Variants in STK32B observed in about 807,000 individuals in gnomAD.
STK32B encodes the protein serine/threonine kinase 32B, also known as serine/threonine-protein kinase 32B.
In STK32B, 43 loss-of-function variants were observed where a neutral mutation model predicts 52.6. The ratio of observed to expected loss-of-function variants is 0.82; its 90% CI spans 0.64 to 1.05. STK32B has a LOEUF of 1.05. STK32B is among the 50% of genes least tolerant of loss of function. The pLI is 0.00. For synonymous variants in STK32B, 238 were observed against 204.3 expected (o/e 1.17, Z -1.41); for missense variants, 621 against 534.6 (o/e 1.16, Z -1.59).
rs72613189 is a variant in STK32B at position 5,253,845 on chromosome 4, C to G, written c.261-77375C>G. 4.1e-3 allele frequency among the ~76,000 whole-genome samples: 617 copies of G among 152,328 alleles called. 16 individuals carry two copies. The East Asian group carries it at 0.077, about 19-fold the overall frequency. On this transcript the variant is annotated intron_variant, in intron 3 of 11. Transcript: ENST00000282908. ...AACTGGGGATGGATAATGGTATCTA[C>G]TCTAAAGTGTTGTTTTGAGCATTAC...
intron 4 of STK32B, among the ~76,000 whole-genome samples, chr4:5,362,654 C>T (rs1734623042): frequency 6.6e-6 from 1 of 152,254 alleles, no homozygotes; most frequent in South Asian, 2.1e-4. Flanking sequence ...ACAGCCACCA[C>T]GGAGGCAGGG....
At chr4:5,375,515 T>C (rs10937638) in intron 4 of STK32B, among the ~76,000 whole-genome samples, 32,946 of 152,200 alleles carry the variant, frequency 0.22, 3,908 homozygotes, top group African/African-American at 0.33. Context: ...ATGAATTTTT[T>C]TTCAGTTCAC....
At chr4:5,403,082 T>C (rs941206678) in intron 5 of STK32B, among the ~76,000 whole-genome samples, 1 of 152,202 alleles carries the variant, frequency 6.6e-6, no homozygotes, top group Non-Finnish European at 1.5e-5. Context: ...TTCTGTATTC[T>C]GAAGCTTTGG....
intron 9 of STK32B, among the ~76,000 whole-genome samples, chr4:5,461,809 T>C (rs1288187124): frequency 2.0e-5 from 3 of 152,312 alleles, no homozygotes; most frequent in African/African-American, 7.2e-5. Flanking sequence ...TGGACCTCCT[T>C]CTGCCCGCCC....
At chr4:5,100,267 G>A (rs563949586) in intron 1 of STK32B, among the ~76,000 whole-genome samples, 295 of 152,276 alleles carry the variant, frequency 1.9e-3, no homozygotes, top group Non-Finnish European at 3.6e-3. Context: ...CCACTGGCTA[G>A]AGAGGCTGCA....
intron 3 of STK32B, among the ~76,000 whole-genome samples, chr4:5,304,825 TG>T (rs1729814172): frequency 6.6e-6 from 1 of 152,162 alleles, no homozygotes; most frequent in South Asian, 2.1e-4. Context: ...GCTGTGGGTT[TG>T]TCATAGATGG....
intron 1 of STK32B, among the ~76,000 whole-genome samples, chr4:5,130,762 G>A (rs1715721976): frequency 6.6e-6 from 1 of 152,120 alleles, no homozygotes; most frequent in South Asian, 2.1e-4. Flanking sequence ...TACCAATCCA[G>A]TGGGTTAATC....
At chr4:5,074,377 C>T (rs1018230354) in intron 1 of STK32B, among the ~76,000 whole-genome samples, 4 of 151,788 alleles carry the variant, frequency 2.6e-5, no homozygotes, top group African/African-American at 9.7e-5. Context: ...TCATTTTTTT[C>T]CCCAAATTTT....
intron 3 of STK32B, among the ~76,000 whole-genome samples, chr4:5,226,079 C>A (rs1442586987): frequency 6.6e-6 from 1 of 152,082 alleles, no homozygotes; most frequent in African/African-American, 2.4e-5. Flanking sequence ...CTTTTAAAAT[C>A]GATTAAATAA....
At chr4:5,275,044 T>C (rs138067110) in intron 3 of STK32B, among the ~76,000 whole-genome samples, 2,645 of 152,272 alleles carry the variant, frequency 0.017, 40 homozygotes, top group East Asian at 0.071. Flanking sequence ...TAACACTCAC[T>C]GCGTGGCCCA....
chr4:5,091,039 A>G (rs762650860), intron 1 of STK32B, among the ~76,000 whole-genome samples: 11 of 152,226 alleles, frequency 7.2e-5, no homozygotes, highest in Admixed American at 5.9e-4. Flanking sequence ...TTCTACAAAC[A>G]TTTAAATGAA....
intron 2 of STK32B, among the ~76,000 whole-genome samples, chr4:5,141,653 G>T (rs1716462118): frequency 6.6e-6 from 1 of 152,148 alleles, no homozygotes; most frequent in Non-Finnish European, 1.5e-5. Flanking sequence ...AGAGGAGGTG[G>T]TGGCCTGGGG....
chr4:5,064,977 T>G (rs896072632), intron 1 of STK32B, among the ~76,000 whole-genome samples: 1 of 151,656 alleles, frequency 6.6e-6, no homozygotes, highest in African/African-American at 2.4e-5. Context: ...CCTCCAAGGT[T>G]GCCCCCTGCT....
Position 5,115,567 on chromosome 4 carries a change from T to C in STK32B, c.53-24338T>C, listed in dbSNP as rs114820295. On this transcript the variant is annotated intron_variant, in intron 1 of 11. Transcript: ENST00000282908. ...AAAAGCCCTCAGCCAGATTTGAGCT[T>C]CCTTGAGGGCAACTGGAGAAGTGTA... Among the ~76,000 whole-genome samples the C allele has an allele frequency of 1.0e-2, 1,516 of 151,922 alleles. 13 individuals carry two copies. Among genetic ancestry groups the C allele is most frequent in the Non-Finnish European group, 0.016 (1,105 of 68,006 alleles).
intron 7 of STK32B, 47 bp downstream of exon 7, chr4:5,446,823 G>C (rs558556393): frequency 2.5e-6 from 4 of 1,590,316 alleles, no homozygotes; most frequent in Non-Finnish European, 3.5e-6. Context: ...GTGCAGTGGG[G>C]GCTCACGTTG....
At chr4:5,374,741 T>C (rs991975047) in intron 4 of STK32B, among the ~76,000 whole-genome samples, 1 of 149,256 alleles carries the variant, frequency 6.7e-6, no homozygotes, top group Admixed American at 6.7e-5. Flanking sequence ...TACTATTGCA[T>C]TGAGGCTCAT....
intron 3 of STK32B, among the ~76,000 whole-genome samples, chr4:5,189,870 G>A (rs1721041346): frequency 6.6e-6 from 1 of 152,086 alleles, no homozygotes; most frequent in South Asian, 2.1e-4. Flanking sequence ...GCGTGTAGTG[G>A]TATTCCGTTG....
At chr4:5,207,845 G>GT (rs1722669936) in intron 3 of STK32B, among the ~76,000 whole-genome samples, 1 of 151,840 alleles carries the variant, frequency 6.6e-6, no homozygotes, top group Non-Finnish European at 1.5e-5. Flanking sequence ...TCATATGTTT[G>GT]TTTTTTCTCT....
In STK32B at chr4:5,437,833, T is replaced by C. The variant is rs567592447; in HGVS notation, c.563-8840T>C. The C allele has an allele frequency of 1.8e-5, 15 of 831,724 alleles. No homozygotes were observed. In the African/African-American group the frequency reaches 2.8e-4, roughly 15 times the overall value. 51.5% of individuals were successfully genotyped at this position (831,724 alleles called of 1,614,324 possible). A position where few individuals can be genotyped will look rare whatever the true frequency, so the allele number is the denominator to read the frequency against. On this transcript the variant is annotated intron_variant, in intron 6 of 11. Transcript: ENST00000282908. ...TCCTTCCAGCTCTAAACCTGTGTAG[T>C]TCTCTCACGTCTAAGTGCTGGGATT...
Sources: allele counts gnomAD v4.1 joint callset (sites outside exome capture counted in the v4.1 genomes callset), GRCh38; gene constraint gnomAD v4.1.1; transcripts MANE v1.5; gene names NCBI Gene and HGNC (gene_info 2026-07-23, HGNC 2026-07-21).